The following SYNPO2 variants were observed in gnomAD, a reference collection of about 807,000 sequenced individuals.
SYNPO2 encodes synaptopodin-2.
A neutral mutation model predicts 85.0 loss-of-function variants in SYNPO2; 56 were observed. That is an observed-to-expected ratio of 0.66 (90% CI 0.53 to 0.82). The LOEUF (loss-of-function observed/expected upper bound fraction) is 0.82. Ranked by LOEUF, SYNPO2 falls within the 40% of genes least tolerant of loss-of-function variation. The pLI is 0.00. For missense variants in SYNPO2, 1,575 were observed against 1,534.2 expected (o/e 1.03, Z -0.44); for synonymous variants, 602 against 591.1 (o/e 1.02, Z -0.27).
intron 1 of SYNPO2, among the ~76,000 whole-genome samples, chr4:119,001,622 C>T (rs894424241): frequency 3.3e-5 from 5 of 152,090 alleles, no homozygotes; most frequent in African/African-American, 9.7e-5. Context: ...AAAGCCATGA[C>T]GCTTTTTAAA....
chr4:118,891,169 A>C (rs1338394636), intron 1 of SYNPO2, among the ~76,000 whole-genome samples: 12 of 152,172 alleles, frequency 7.9e-5, no homozygotes, highest in Non-Finnish European at 1.5e-4. Flanking sequence ...CCCCTAAATC[A>C]TCCTTCCTAA....
intron 1 of SYNPO2, among the ~76,000 whole-genome samples, chr4:118,915,559 G>T (rs1370406948): frequency 1.3e-5 from 2 of 152,104 alleles, no homozygotes; most frequent in Non-Finnish European, 2.9e-5. Context: ...TTCATTGTGT[G>T]AGTATCCCGC....
At chr4:118,998,792 T>C (rs1009397884) in intron 1 of SYNPO2, among the ~76,000 whole-genome samples, 4 of 152,234 alleles carry the variant, frequency 2.6e-5, no homozygotes, top group African/African-American at 9.6e-5. Context: ...TGTGAAGTAT[T>C]ATTCCAATAA....
Position 119,060,948 on chromosome 4 carries a change from C to A in SYNPO2, c.*3014C>A, listed in dbSNP as rs2149204116. The A allele has an allele frequency of 6.6e-6, 1 of 151,334 alleles. No individual in the cohort carries two copies. The highest frequency in any genetic ancestry group is 1.9e-4 in the East Asian group (1 of 5,166). The allele number at this position is 151,334 out of a possible 1,614,324, so 9.4% of individuals were successfully genotyped here. A position where few individuals can be genotyped will look rare whatever the true frequency, so the allele number is the denominator to read the frequency against. On this transcript the variant is annotated 3_prime_UTR_variant, in exon 5 of 5. Coordinates refer to ENST00000307142, the MANE Select transcript of SYNPO2 (RefSeq NM_133477.3). The stretch of plus-strand genomic sequence containing the variant: ...ATTATACACATTGGAAAGGGCCAAC[C>A]TATTAGGGCTCAAGTATGTATATGC...
intron 1 of SYNPO2, among the ~76,000 whole-genome samples, chr4:118,968,986 C>T (rs1320941557): frequency 2.0e-5 from 3 of 152,122 alleles, no homozygotes; most frequent in African/African-American, 7.2e-5. Flanking sequence ...ACGAGAAAAT[C>T]CACAGAACGA....
intron 1 of SYNPO2, among the ~76,000 whole-genome samples, chr4:118,952,877 G>A (rs984937844): frequency 6.6e-6 from 1 of 152,080 alleles, no homozygotes; most frequent in African/African-American, 2.4e-5. Flanking sequence ...ACCTCGGAAG[G>A]AATTATTATG....
intron 1 of SYNPO2, among the ~76,000 whole-genome samples, chr4:118,998,181 T>C (rs1244004347): frequency 6.6e-6 from 1 of 152,218 alleles, no homozygotes; most frequent in Non-Finnish European, 1.5e-5. Context: ...AATATATTTT[T>C]AATATGCACA....
intron 1 of SYNPO2, among the ~76,000 whole-genome samples, chr4:119,021,299 G>A (rs1340657086): frequency 6.6e-6 from 1 of 152,136 alleles, no homozygotes; most frequent in Non-Finnish European, 1.5e-5. Flanking sequence ...GTTAATATAT[G>A]AATTATCATT....
chr4:119,016,834 G>A (rs1407055274), intron 1 of SYNPO2, among the ~76,000 whole-genome samples: 2 of 152,122 alleles, frequency 1.3e-5, no homozygotes, highest in African/African-American at 2.4e-5. Context: ...TTGCAGCATC[G>A]TTTCTGCCTG....
intron 1 of SYNPO2, among the ~76,000 whole-genome samples, chr4:118,900,683 CTCTCTCTCTCTCTCTCTCTCTATATATA>C (rs1232833284): frequency 1.1e-3 from 48 of 41,792 alleles, no homozygotes; most frequent in African/African-American, 3.1e-3. Flanking sequence ...CTCTCTCTCT[CTCTCTCTCTCTCTCTCTCTCTATATATA>C]TATATATATA....
rs151156242 is a variant in SYNPO2, at chr4:118,860,339, G to A, written c.12+9399G>A. Among the ~76,000 whole-genome samples, 108 of 152,106 alleles carry A rather than the reference G, an allele frequency of 7.1e-4. 3 individuals are homozygous for A. The highest frequency in any genetic ancestry group is 2.4e-3 in the African/African-American group (100 of 41,490). ...GCTCACTGCAGCCTCGACCTCTCAGGCTCCAGTGAGCCTCCCACCTCAGCC... is the reference window on the plus strand; with the variant it reads ...GCTCACTGCAGCCTCGACCTCTCAGACTCCAGTGAGCCTCCCACCTCAGCC... On this transcript the variant is annotated intron_variant, in intron 1 of 4. Coordinates refer to the SYNPO2 transcript ENST00000610556.
chr4:118,951,163 G>T (rs1250793875), intron 1 of SYNPO2, among the ~76,000 whole-genome samples: 1 of 152,176 alleles, frequency 6.6e-6, no homozygotes, highest in Non-Finnish European at 1.5e-5. Flanking sequence ...TATTACCACA[G>T]ATCTTAGTTT....
chr4:118,857,662 T>A (rs552619633), intron 1 of SYNPO2, among the ~76,000 whole-genome samples: 126 of 152,308 alleles, frequency 8.3e-4, no homozygotes, highest in African/African-American at 3.0e-3. Flanking sequence ...TGAAAATTAG[T>A]TAAAAGAAAA....
chr4:119,019,075 G>A (rs1262647681), intron 1 of SYNPO2, among the ~76,000 whole-genome samples: 1 of 152,142 alleles, frequency 6.6e-6, no homozygotes, highest in East Asian at 1.9e-4. Flanking sequence ...GGGAGGCTGG[G>A]AGGAGGGAGA....
intron 4 of SYNPO2, among the ~76,000 whole-genome samples, chr4:119,045,886 T>A (rs1253827288): frequency 6.6e-6 from 1 of 152,102 alleles, no homozygotes; most frequent in African/African-American, 2.4e-5. Context: ...TAAAGAAAGG[T>A]AAGAGGGTAA....
chr4:118,909,460 C>G (rs1733060091), intron 1 of SYNPO2, among the ~76,000 whole-genome samples: 1 of 152,130 alleles, frequency 6.6e-6, no homozygotes, highest in African/African-American at 2.4e-5. Context: ...CAGGAACACT[C>G]CAGTGGAGAG....
chr4:119,039,149 T>C (rs1449585390), intron 4 of SYNPO2, among the ~76,000 whole-genome samples: 2 of 152,184 alleles, frequency 1.3e-5, no homozygotes, highest in Non-Finnish European at 2.9e-5. Context: ...CTCTAAGCAC[T>C]TTTTTGGTCA....
At chr4:118,950,880 A>G (rs1046950499) in intron 1 of SYNPO2, among the ~76,000 whole-genome samples, 1 of 152,234 alleles carries the variant, frequency 6.6e-6, no homozygotes, top group Non-Finnish European at 1.5e-5. Context: ...AAAAGGAGAA[A>G]GCTATCCAAA....
At chr4:118,966,847 T>G (rs758522174) in intron 1 of SYNPO2, among the ~76,000 whole-genome samples, 26 of 152,156 alleles carry the variant, frequency 1.7e-4, no homozygotes, top group Non-Finnish European at 3.2e-4. Context: ...TTAAAGTATC[T>G]GAATCTACTC....
Sources: allele counts gnomAD v4.1 joint callset (sites outside exome capture counted in the v4.1 genomes callset), GRCh38; gene constraint gnomAD v4.1.1; transcripts MANE v1.5; gene names NCBI Gene and HGNC (gene_info 2026-07-23, HGNC 2026-07-21).